Variants in SRBD1 observed in about 807,000 individuals in gnomAD.
SRBD1 encodes S1 RNA-binding domain-containing protein 1.
A neutral mutation model predicts 115.3 loss-of-function variants in SRBD1; 88 were observed. The ratio of observed to expected loss-of-function variants is 0.76; its 90% CI spans 0.64 to 0.91. The LOEUF (loss-of-function observed/expected upper bound fraction) is 0.91. Among genes scored for constraint, SRBD1 ranks in the 40% least tolerant of loss-of-function variants. The probability of loss-of-function intolerance (pLI) is 0.00; values close to 1 mark genes in which losing one functional copy is unlikely to be tolerated. For missense variants in SRBD1, 1,385 were observed against 1,177.4 expected, an observed-to-expected ratio of 1.18 and a Z score of -2.58; for synonymous variants, 509 against 407.7, an observed-to-expected ratio of 1.25 and a Z score of -2.99.
At chr2:45,579,035 A>C (rs1450409409) in intron 7 of SRBD1, among the ~76,000 whole-genome samples, 3 of 152,192 alleles carry the variant, frequency 2.0e-5, no homozygotes, top group Admixed American at 6.5e-5. Flanking sequence ...GAGAGTAGAG[A>C]CCACCAAAAC....
chr2:45,545,369 T>C (rs1170532348), intron 14 of SRBD1, among the ~76,000 whole-genome samples: 1 of 147,722 alleles, frequency 6.8e-6, no homozygotes, highest in Non-Finnish European at 1.5e-5. Flanking sequence ...TTTCTAATAG[T>C]ACATACTGCC....
At chr2:45,466,724 C>T (rs1380764014) in intron 16 of SRBD1, among the ~76,000 whole-genome samples, 1 of 152,146 alleles carries the variant, frequency 6.6e-6, no homozygotes, top group African/African-American at 2.4e-5. Flanking sequence ...CTGATTTTTG[C>T]TTCTTCAAAC....
intron 9 of SRBD1, among the ~76,000 whole-genome samples, chr2:45,571,540 A>C (rs1013777731): frequency 2.7e-5 from 4 of 147,710 alleles, no homozygotes; most frequent in African/African-American, 5.1e-5. Context: ...AAAAAAAAAA[A>C]AACTGTCCAT....
chr2:45,527,662 T>G (rs917206160), intron 14 of SRBD1, among the ~76,000 whole-genome samples: 1 of 151,860 alleles, frequency 6.6e-6, no homozygotes. Flanking sequence ...ACTATTCAAT[T>G]TAATCTTCAA....
chr2:45,571,036 C>A (rs1362933455), intron 9 of SRBD1, among the ~76,000 whole-genome samples: 1 of 152,034 alleles, frequency 6.6e-6, no homozygotes, highest in Non-Finnish European at 1.5e-5. Context: ...GGAAAAGGGG[C>A]TTTTTAAAAT....
intron 14 of SRBD1, among the ~76,000 whole-genome samples, chr2:45,501,943 G>T (rs1480296221): frequency 6.6e-6 from 1 of 152,154 alleles, no homozygotes; most frequent in Non-Finnish European, 1.5e-5. Context: ...AGAGAGTAGT[G>T]GTTCTCCCAG....
chr2:45,565,539 G>A (rs1008261957), intron 9 of SRBD1, among the ~76,000 whole-genome samples: 1 of 151,990 alleles, frequency 6.6e-6, no homozygotes, highest in Non-Finnish European at 1.5e-5. Flanking sequence ...ATTAAAAAAG[G>A]AGAAAATTTT....
intron 16 of SRBD1, among the ~76,000 whole-genome samples, chr2:45,442,834 C>G (rs994768244): frequency 2.6e-5 from 4 of 152,182 alleles, no homozygotes; most frequent in Non-Finnish European, 4.4e-5. Context: ...GGCAGTCTAG[C>G]TACCTTTACA....
intron 15 of SRBD1, among the ~76,000 whole-genome samples, chr2:45,484,459 C>G (rs960520368): frequency 1.3e-5 from 2 of 152,178 alleles, no homozygotes; most frequent in African/African-American, 2.4e-5. Flanking sequence ...AAGCTGTGCC[C>G]TCTATCGTAG....
chr2:45,389,552 G>T lies in SRBD1; in HGVS notation c.2746C>A (p.Leu916Met). 1 of 1,613,998 alleles carries T rather than the reference G, an allele frequency of 6.2e-7. No individual in the cohort carries two copies. The highest frequency in any genetic ancestry group is 2.2e-5 in the East Asian group (1 of 44,874). The part of the protein sequence containing the change: ...FKRSIVCLED[L>M]QIGTVLTGKV... ...CCTGTAAGAACTGTCCCAATCTGCA[G>T]ATCTTCCAGGCATACTATGCTTCTC... is the stretch of plus-strand genomic sequence containing the variant. Residue 916 changes from leucine to methionine, a missense_variant, in exon 21 of 21, where the codon CTG becomes ATG. Coordinates refer to ENST00000263736, the MANE Select transcript of SRBD1 (RefSeq NM_018079.5).
chr2:45,558,243 T>C (rs1672545764), intron 10 of SRBD1, among the ~76,000 whole-genome samples: 1 of 152,200 alleles, frequency 6.6e-6, no homozygotes, highest in Admixed American at 6.5e-5. Flanking sequence ...GGCAGAAGGA[T>C]TGTTTAAATC....
chr2:45,553,223 TTA>T (rs1272528348), intron 11 of SRBD1, among the ~76,000 whole-genome samples: 13 of 152,158 alleles, frequency 8.5e-5, no homozygotes. Flanking sequence ...CTCCTAATAT[TTA>T]TCATTGCTGA....
At chr2:45,452,166 CTG>C (rs1211209606) in intron 16 of SRBD1, among the ~76,000 whole-genome samples, 1 of 151,998 alleles carries the variant, frequency 6.6e-6, no homozygotes, top group African/African-American at 2.4e-5. Context: ...ACATTAGAAT[CTG>C]TCTTTAAAAT....
rs753294259 is a variant in SRBD1 at position 45,546,854 on chromosome 2, C to A, written c.1767-15G>T. ...CTGTGCTGCAGCTTCAAGGCAGAAA[C>A]AGAATGACAAACTGAATTTCAAGGC... On this transcript the variant is annotated splice_polypyrimidine_tract_variant and intron_variant, in intron 13 of 20. Transcript: ENST00000263736. 5.6e-6 allele frequency: 9 copies of A among 1,611,654 alleles called. No homozygotes were observed. In the East Asian group the frequency reaches 2.0e-4, roughly 36 times the overall value.
intron 19 of SRBD1, among the ~76,000 whole-genome samples, chr2:45,400,031 G>T (rs765865647): frequency 6.6e-6 from 1 of 152,114 alleles, no homozygotes. Flanking sequence ...TCTTCCTTGG[G>T]AAACAGCCTT....
chr2:45,528,844 A>C, intron 14 of SRBD1, among the ~76,000 whole-genome samples: 1 of 151,956 alleles, frequency 6.6e-6, no homozygotes, highest in Non-Finnish European at 1.5e-5. Flanking sequence ...AGCAGGAGAG[A>C]AAAACAGCAG....
intron 15 of SRBD1, among the ~76,000 whole-genome samples, chr2:45,477,324 T>C (rs1026477183): frequency 2.2e-4 from 34 of 152,190 alleles, no homozygotes; most frequent in African/African-American, 8.0e-4. Context: ...GACAGGATTA[T>C]AGATTTGGAA....
In SRBD1 at chr2:45,544,160, G is replaced by C. The variant is rs1488648208; in HGVS notation, c.1874+2572C>G. 5.3e-5 allele frequency among the ~76,000 whole-genome samples: 8 copies of C among 150,652 alleles called. No individual in the cohort carries two copies. The East Asian group carries it at 1.6e-3, about 29-fold the overall frequency. On this transcript the variant is annotated intron_variant, in intron 14 of 20. Coordinates refer to ENST00000263736, the MANE Select transcript of SRBD1 (RefSeq NM_018079.5). ...AGGCAGGAGAATGGCATGAACCTGGGAGGTGGAGCTTGCAATGAACCAAGA... is the reference window on the plus strand; with the variant it reads ...AGGCAGGAGAATGGCATGAACCTGGCAGGTGGAGCTTGCAATGAACCAAGA...
At chr2:45,528,019 A>G (rs1352274773) in intron 14 of SRBD1, among the ~76,000 whole-genome samples, 4 of 151,916 alleles carry the variant, frequency 2.6e-5, no homozygotes, top group African/African-American at 9.7e-5. Context: ...GCAATTTTGA[A>G]TAATAAAACA....
Sources: allele counts gnomAD v4.1 joint callset (sites outside exome capture counted in the v4.1 genomes callset), GRCh38; gene constraint gnomAD v4.1.1; transcripts MANE v1.5; gene names NCBI Gene and HGNC (gene_info 2026-07-23, HGNC 2026-07-21).